PTPRN2: variants seen among roughly 807,000 people sequenced by gnomAD.
PTPRN2 encodes protein tyrosine phosphatase receptor type N2, also known as receptor-type tyrosine-protein phosphatase N2.
In PTPRN2, 74 loss-of-function variants were observed where a neutral mutation model predicts 118.8. The observed-to-expected ratio is 0.62, with a 90% confidence interval of 0.52 to 0.76. The LOEUF (loss-of-function observed/expected upper bound fraction) is 0.76. Ranked by LOEUF, PTPRN2 falls within the 30% of genes least tolerant of loss-of-function variation. The pLI, the probability that PTPRN2 is intolerant of heterozygous loss-of-function variation, is 0.00. For synonymous variants in PTPRN2, 641 were observed against 608.0 expected (o/e 1.05, Z -0.80); for missense variants, 1,481 against 1,394.4 (o/e 1.06, Z -0.99).
chr7:158,358,138 T>A (rs565141681), intron 2 of PTPRN2, among the ~76,000 whole-genome samples: 1 of 152,366 alleles, frequency 6.6e-6, no homozygotes, highest in African/African-American at 2.4e-5. Flanking sequence ...GGCTCACCCC[T>A]GCAGGCGGGG....
At chr7:158,342,418 C>A (rs1229619987) in intron 2 of PTPRN2, among the ~76,000 whole-genome samples, 2 of 132,292 alleles carry the variant, frequency 1.5e-5, no homozygotes, top group African/African-American at 5.9e-5. Context: ...CACACTCTCA[C>A]CATAAGAGCT....
intron 1 of PTPRN2, among the ~76,000 whole-genome samples, chr7:158,507,229 G>A (rs771758842): frequency 4.0e-5 from 6 of 150,184 alleles, no homozygotes; most frequent in Non-Finnish European, 8.9e-5. Flanking sequence ...GCAGGAAATT[G>A]CACACAGAGA....
chr7:158,291,779 T>C (rs935307078), intron 3 of PTPRN2, among the ~76,000 whole-genome samples: 1 of 152,230 alleles, frequency 6.6e-6, no homozygotes, highest in African/African-American at 2.4e-5. Flanking sequence ...TTCATATAGC[T>C]TTGCCATTTA....
At chr7:158,127,506 G>A (rs1022704793) in intron 9 of PTPRN2, among the ~76,000 whole-genome samples, 5 of 152,246 alleles carry the variant, frequency 3.3e-5, no homozygotes, top group African/African-American at 7.2e-5. Flanking sequence ...CCTGGATGCC[G>A]GACTTCCGTG....
intron 17 of PTPRN2, among the ~76,000 whole-genome samples, chr7:157,588,116 T>C (rs1295919682): frequency 2.6e-5 from 4 of 152,244 alleles, no homozygotes; most frequent in African/African-American, 7.2e-5. Context: ...CCGCACCTGA[T>C]GGTGACAGAC....
chr7:158,074,005 G>T (rs1437400676), intron 11 of PTPRN2, among the ~76,000 whole-genome samples: 1 of 152,204 alleles, frequency 6.6e-6, no homozygotes, highest in African/African-American at 2.4e-5. Context: ...TACCACAGGA[G>T]GACATACGTG....
At chr7:158,515,045 T>A (rs567709398) in intron 1 of PTPRN2, among the ~76,000 whole-genome samples, 55 of 152,270 alleles carry the variant, frequency 3.6e-4, no homozygotes, top group African/African-American at 1.3e-3. Context: ...ACATTTACGA[T>A]GACAAAGACG....
chr7:158,337,975 C>G (rs1471159453), intron 2 of PTPRN2, among the ~76,000 whole-genome samples: 2 of 48,716 alleles, frequency 4.1e-5, no homozygotes, highest in Admixed American at 2.7e-4. Flanking sequence ...CGCCCGCAGA[C>G]GTCACTCACA....
Position 158,583,013 on chromosome 7 carries a change from G to A in PTPRN2, c.112+4545C>T, listed in dbSNP as rs150677042. 4.7e-3 allele frequency among the ~76,000 whole-genome samples: 721 copies of A among 152,190 alleles called. 3 individuals are homozygous for A. Among genetic ancestry groups the A allele is most frequent in the African/African-American group, 0.017 (696 of 41,504 alleles). Reference sequence around the variant, plus strand: ...ACCCGCAAAGCCAGTTGCATTGAGTGGAACTTTCTTAATGAGACCATGTCT... The same window carrying A: ...ACCCGCAAAGCCAGTTGCATTGAGTAGAACTTTCTTAATGAGACCATGTCT... On this transcript the variant is annotated intron_variant, in intron 1 of 22. Coordinates refer to ENST00000389418, the MANE Select transcript of PTPRN2 (RefSeq NM_002847.5).
intron 9 of PTPRN2, among the ~76,000 whole-genome samples, chr7:158,114,352 A>G (rs1330918265): frequency 2.0e-5 from 3 of 152,132 alleles, no homozygotes; most frequent in Non-Finnish European, 2.9e-5. Flanking sequence ...TGGTGCTGAC[A>G]CTTGTTCAGG....
At chr7:158,191,617 T>C (rs1351306707) in intron 5 of PTPRN2, among the ~76,000 whole-genome samples, 3 of 152,226 alleles carry the variant, frequency 2.0e-5, no homozygotes, top group Non-Finnish European at 2.9e-5. Context: ...TTACAAAATT[T>C]ACTGAGATTC....
intron 1 of PTPRN2, among the ~76,000 whole-genome samples, chr7:158,508,234 T>C (rs1822914287): frequency 1.3e-5 from 2 of 152,192 alleles, no homozygotes; most frequent in Non-Finnish European, 2.9e-5. Context: ...AGCCCCACGC[T>C]GGGCAGGGGG....
At chr7:157,740,347 T>C (rs1246804931) in intron 12 of PTPRN2, 3 of 136,440 alleles carry the variant, frequency 2.2e-5, no homozygotes, top group African/African-American at 7.8e-5. Context: ...TTGCTTCGGC[T>C]TCAGCTCCGG....
chr7:157,897,180 G>A (rs1797176047), intron 12 of PTPRN2, among the ~76,000 whole-genome samples: 3 of 152,188 alleles, frequency 2.0e-5, no homozygotes, highest in Admixed American at 2.0e-4. Context: ...ACCACCCCAC[G>A]TGATGAGCTC....
chr7:157,872,495 T>G (rs552314263), intron 12 of PTPRN2, among the ~76,000 whole-genome samples: 2 of 149,682 alleles, frequency 1.3e-5, no homozygotes, highest in Non-Finnish European at 3.0e-5. Context: ...ATATCCAGTG[T>G]CCTCCCCACA....
intron 11 of PTPRN2, among the ~76,000 whole-genome samples, chr7:157,916,517 C>G (rs886404705): frequency 6.6e-6 from 1 of 152,248 alleles, no homozygotes; most frequent in Non-Finnish European, 1.5e-5. Flanking sequence ...GAGGACAGTT[C>G]TGGGAGCAGG....
At chr7:157,772,982 C>T (rs138934666) in intron 12 of PTPRN2, among the ~76,000 whole-genome samples, 253 of 152,232 alleles carry the variant, frequency 1.7e-3, no homozygotes, top group African/African-American at 5.8e-3. Flanking sequence ...CTTCCTGGGC[C>T]GCCTGCTCCC....
chr7:158,539,356 C>G (rs149822620), intron 1 of PTPRN2: 5 of 152,416 alleles, frequency 3.3e-5, no homozygotes, highest in East Asian at 3.9e-4. Flanking sequence ...GTCCACTTGC[C>G]TTTTAAACAT....
intron 11 of PTPRN2, among the ~76,000 whole-genome samples, chr7:157,943,076 C>T (rs1384448304): frequency 1.3e-5 from 2 of 152,186 alleles, no homozygotes; most frequent in African/African-American, 4.8e-5. Flanking sequence ...AAAAATTTGG[C>T]CCCAGGAAGC....
Sources: gnomAD v4.1 joint callset for allele counts (sites outside exome capture counted in the v4.1 genomes callset) on GRCh38, gnomAD v4.1.1 for gene constraint, MANE v1.5 for transcripts, NCBI Gene and HGNC (gene_info 2026-07-23, HGNC 2026-07-21) for gene names.